CLSTN2: variants seen among roughly 807,000 people sequenced by gnomAD.
CLSTN2 encodes the protein calsyntenin-2.
CLSTN2 carries 48 observed loss-of-function variants against 101.2 expected under a neutral mutation model. The ratio of observed to expected loss-of-function variants is 0.47; its 90% CI spans 0.38 to 0.60. The LOEUF is 0.60. CLSTN2 is among the 20% of genes least tolerant of loss of function. The pLI is 0.00. For synonymous variants in CLSTN2, 481 were observed against 463.6 expected, an observed-to-expected ratio of 1.04 and a Z score of -0.48; for missense variants, 1,160 against 1,238.2, an observed-to-expected ratio of 0.94 and a Z score of 0.95.
At chr3:140,076,360 T>C (rs1394275812) in intron 1 of CLSTN2, among the ~76,000 whole-genome samples, 4 of 152,190 alleles carry the variant, frequency 2.6e-5, no homozygotes, top group African/African-American at 9.7e-5. Context: ...TTTTTACTAA[T>C]TTAAAGCCTC....
At chr3:140,231,698 T>C (rs1202615313) in intron 2 of CLSTN2, among the ~76,000 whole-genome samples, 1 of 152,218 alleles carries the variant, frequency 6.6e-6, no homozygotes, top group African/African-American at 2.4e-5. Flanking sequence ...GAATCAATTA[T>C]AGAAGGCACT....
intron 1 of CLSTN2, among the ~76,000 whole-genome samples, chr3:139,948,741 A>G (rs1027539113): frequency 1.3e-5 from 2 of 152,122 alleles, no homozygotes; most frequent in Non-Finnish European, 2.9e-5. Context: ...CCCTTGGTGG[A>G]TCTTCCAGAT....
chr3:140,462,098 G>C (rs1240223268), intron 7 of CLSTN2, among the ~76,000 whole-genome samples: 1 of 151,634 alleles, frequency 6.6e-6, no homozygotes, highest in African/African-American at 2.4e-5. Context: ...TAACCACTAG[G>C]GAAATATTTT....
intron 1 of CLSTN2, among the ~76,000 whole-genome samples, chr3:140,010,559 T>C (rs1358239559): frequency 1.3e-5 from 2 of 152,134 alleles, no homozygotes; most frequent in African/African-American, 2.4e-5. Context: ...TCAAACATCC[T>C]AGGAAGGACT....
At chr3:140,545,890 A>G (rs913613991) in intron 9 of CLSTN2, among the ~76,000 whole-genome samples, 2 of 152,226 alleles carry the variant, frequency 1.3e-5, no homozygotes, top group African/African-American at 4.8e-5. Flanking sequence ...AAGGCCTTGA[A>G]TTTAAGCACG....
chr3:140,383,316 G>T (rs2088007439), intron 2 of CLSTN2, among the ~76,000 whole-genome samples: 1 of 152,146 alleles, frequency 6.6e-6, no homozygotes, highest in African/African-American at 2.4e-5. Flanking sequence ...TCTTTGAACT[G>T]CCTGGTATAT....
In CLSTN2 at chr3:140,398,534, A is replaced by G. The variant is rs553489770; in HGVS notation, c.233-5095A>G. Among the ~76,000 whole-genome samples, 7 of 152,314 alleles carry G rather than the reference A, an allele frequency of 4.6e-5. No individual in the cohort carries two copies. The East Asian group carries it at 9.7e-4, about 21-fold the overall frequency. On this transcript the variant is annotated intron_variant, in intron 2 of 16. Coordinates refer to ENST00000458420, the MANE Select transcript of CLSTN2 (RefSeq NM_022131.3). ...TCACTTTGACTTTTTGAACCCTTAC[A>G]AAGTGTCTTGGGGATGCCAGACTGA...
intron 3 of CLSTN2, 98 bp from the exon 4 acceptor site, chr3:140,404,460 C>G (rs899807992): frequency 3.2e-5 from 34 of 1,051,900 alleles, no homozygotes; most frequent in Middle Eastern, 2.8e-4. Context: ...TCTCCTTTCA[C>G]TTGGCCTTGG....
At chr3:140,363,850 C>T (rs563202907) in intron 2 of CLSTN2, among the ~76,000 whole-genome samples, 49 of 152,242 alleles carry the variant, frequency 3.2e-4, no homozygotes, top group African/African-American at 1.2e-3. Flanking sequence ...GCTAGGAGAC[C>T]AAGTGGGTTA....
intron 1 of CLSTN2, among the ~76,000 whole-genome samples, chr3:140,070,065 T>C (rs2008365091): frequency 6.6e-6 from 1 of 152,222 alleles, no homozygotes; most frequent in African/African-American, 2.4e-5. Flanking sequence ...TACTCTTGGA[T>C]AGCCTGAGCA....
chr3:140,428,870 G>A (rs1240197671), intron 5 of CLSTN2, among the ~76,000 whole-genome samples: 1 of 152,142 alleles, frequency 6.6e-6, no homozygotes, highest in Non-Finnish European at 1.5e-5. Flanking sequence ...AAGGAAGGGT[G>A]GCAGCTTTTG....
At chr3:140,175,899 G>C in intron 1 of CLSTN2, 52 bp from the exon 2 acceptor site, 2 of 1,538,558 alleles carry the variant, frequency 1.3e-6, no homozygotes, top group Non-Finnish European at 1.8e-6. Flanking sequence ...CATTATTATG[G>C]GTTTGTTATT....
At chr3:140,030,086 G>T (rs1323442843) in intron 1 of CLSTN2, among the ~76,000 whole-genome samples, 1 of 152,120 alleles carries the variant, frequency 6.6e-6, no homozygotes, top group Non-Finnish European at 1.5e-5. Context: ...ACCAAGATTT[G>T]TCAGGAGCTG....
chr3:140,462,297 C>T (rs969326276), intron 7 of CLSTN2, among the ~76,000 whole-genome samples: 2 of 152,150 alleles, frequency 1.3e-5, no homozygotes, highest in Non-Finnish European at 2.9e-5. Flanking sequence ...GAGTTTAAAA[C>T]TCTGCCATGT....
intron 1 of CLSTN2, among the ~76,000 whole-genome samples, chr3:140,127,575 G>T (rs1217167510): frequency 6.6e-6 from 1 of 152,152 alleles, no homozygotes; most frequent in African/African-American, 2.4e-5. Flanking sequence ...CTGAGAAAAA[G>T]GTGTTATGGA....
chr3:140,292,136 C>A (rs2086960219), intron 2 of CLSTN2, among the ~76,000 whole-genome samples: 1 of 152,178 alleles, frequency 6.6e-6, no homozygotes, highest in African/African-American at 2.4e-5. Context: ...CATGACCTAT[C>A]TAAGGCTTGC....
intron 1 of CLSTN2, among the ~76,000 whole-genome samples, chr3:140,140,006 T>G (rs1260087917): frequency 1.3e-5 from 2 of 152,214 alleles, no homozygotes; most frequent in Admixed American, 6.5e-5. Context: ...TCTCAAACTT[T>G]AGATGCATCA....
chr3:140,130,517 A>G (rs2009506137), intron 1 of CLSTN2, among the ~76,000 whole-genome samples: 2 of 152,306 alleles, frequency 1.3e-5, no homozygotes, highest in African/African-American at 4.8e-5. Context: ...GCTTTTCCTC[A>G]TTAATTCTCT....
chr3:140,520,249 TTTGGACC>T (rs2107772988), intron 8 of CLSTN2, among the ~76,000 whole-genome samples: 1 of 152,312 alleles, frequency 6.6e-6, no homozygotes. Flanking sequence ...TTTTCTTTCA[TTTGGACC>T]TTGGAGAATT....
Sources: allele counts gnomAD v4.1 joint callset (sites outside exome capture counted in the v4.1 genomes callset), GRCh38; gene constraint gnomAD v4.1.1; transcripts MANE v1.5; gene names NCBI Gene and HGNC (gene_info 2026-07-23, HGNC 2026-07-21).